The following VPS9D1 variants were observed in gnomAD, a reference collection of about 807,000 sequenced individuals.
VPS9D1 encodes VPS9 domain containing 1.
A neutral mutation model predicts 75.8 loss-of-function variants in VPS9D1; 78 were observed. That is an observed-to-expected ratio of 1.03 (90% CI 0.86 to 1.24). The LOEUF (loss-of-function observed/expected upper bound fraction) is 1.24, where lower values mean the gene tolerates loss of function less well. VPS9D1 is among the 50% of genes most tolerant of loss of function. The pLI, the probability that VPS9D1 is intolerant of heterozygous loss-of-function variation, is 0.00. For synonymous variants in VPS9D1, 481 were observed against 385.6 expected (o/e 1.25, Z -2.90); for missense variants, 1,057 against 847.7 (o/e 1.25, Z -3.07).
chr16:89,718,237 C>G (rs1037473516), intron 2 of VPS9D1: 5 of 375,666 alleles, frequency 1.3e-5, no homozygotes, highest in Admixed American at 1.3e-4. Flanking sequence ...ACCTTCAGGA[C>G]GCACCCCGAG....
intron 6 of VPS9D1, 169 bp downstream of exon 6, chr16:89,712,291 C>A (rs1473912919): frequency 7.6e-7 from 1 of 1,317,872 alleles, no homozygotes; most frequent in Non-Finnish European, 1.0e-6. Context: ...ACATGGGGGA[C>A]GGCGGCCGGG....
chr16:89,709,561 T>C, intron 11 of VPS9D1, 126 bp from the exon 12 acceptor site: 2 of 1,290,940 alleles, frequency 1.5e-6, no homozygotes, highest in Non-Finnish European at 2.1e-6. Context: ...AGCCCCAGCG[T>C]TGCCAAGACC....
intron 4 of VPS9D1, among the ~76,000 whole-genome samples, chr16:89,714,833 C>T (rs2061024096): frequency 6.6e-6 from 1 of 152,118 alleles, no homozygotes; most frequent in African/African-American, 2.4e-5. Flanking sequence ...CTCCTGGGTT[C>T]AAGCGATTCT....
chr16:89,712,479 G>C lies in VPS9D1; in HGVS notation c.587C>G (p.Ala196Gly), dbSNP rs2060955986. ...QRQMMENLVI[A>G]KAREETLQRK... is the part of the protein sequence containing the mutation. The stretch of plus-strand genomic sequence containing the variant: ...GGCTGCTGTCTCCTCCCGGGCTTTG[G>C]CAATCACTAGGTTCTCCATCATCTG... Residue 196 changes from alanine (A) to glycine (G), a missense_variant, in exon 6 of 15, where the codon GCC (alanine) becomes GGC (glycine). Ala to Gly is a moderately conservative substitution (Grantham distance 60, BLOSUM62 0). Transcript: ENST00000389386. 1 of 1,613,098 alleles carries C rather than the reference G, an allele frequency of 6.2e-7. No individual in the cohort carries two copies. The highest frequency in any genetic ancestry group is 8.5e-7 in the Non-Finnish European group (1 of 1,179,990).
At chr16:89,718,092 C>T (rs930673409) in intron 2 of VPS9D1, 10 of 455,272 alleles carry the variant, frequency 2.2e-5, no homozygotes, top group Admixed American at 2.1e-4. Context: ...TCCAGTGGCT[C>T]CCCCTGACCT....
At chr16:89,717,662 C>CCAG in intron 2 of VPS9D1, 1 of 456,596 alleles carries the variant, frequency 2.2e-6, no homozygotes, top group Non-Finnish European at 4.4e-6. Flanking sequence ...CTTACCCGTC[C>CCAG]CCACCTTGCC....
chr16:89,720,364 CCTT>C lies in VPS9D1; in HGVS notation c.99+396_99+398del, dbSNP rs139989455. On this transcript the variant is annotated intron_variant, in intron 1 of 14. Transcript: ENST00000389386. The stretch of plus-strand genomic sequence containing the variant: ...GCATCACAAATGAGCAGGTATGTGG[CCTT>C]CTCTGCATGCCGTCCCCTGTGGCAA... The C allele has an allele frequency of 5.9e-3, 5,689 of 962,820 alleles. 25 individuals carry two copies. Among genetic ancestry groups the C allele is most frequent in the Admixed American group, 0.011 (174 of 16,340 alleles). 59.6% of individuals were successfully genotyped at this position (962,820 alleles called of 1,614,324 possible).
chr16:89,707,871 A>G lies in VPS9D1; in HGVS notation c.1886T>C (p.Leu629Pro), dbSNP rs2151616840. The G allele has an allele frequency of 1.2e-6, 2 of 1,613,048 alleles. No homozygotes were observed. Among genetic ancestry groups the G allele is most frequent in the East Asian group, 2.2e-5 (1 of 44,880 alleles). The change falls in exon 15 of 15, where the codon CTG becomes CCG. Residue 629 changes from leucine to proline, a missense_variant. By Grantham distance (98) the Leu-to-Pro change is moderately conservative. Transcript: ENST00000389386. The part of the protein sequence containing the change: ...SYVELLPRGG[L>P]AK The stretch of plus-strand genomic sequence containing the variant: ...TGGGCTCTAGCTGTACTACTTGGCC[A>G]GGCCTCCCCGGGGCAGCAGCTCCAC...
Position 89,711,901 on chromosome 16 carries a change from A to C in VPS9D1, c.728T>G (p.Leu243Arg). 1 of 1,551,274 alleles carries C rather than the reference A, an allele frequency of 6.4e-7. No individual in the cohort carries two copies. The highest frequency in any genetic ancestry group is 8.7e-7 in the Non-Finnish European group (1 of 1,147,022). ...ACGCACATGGTCCTGTTCGTACTCC[A>C]GGATGGCGGCGTAAAGGGCCCGCTG... ...REQRALYAAI[L>R]EYEQDHDWPK... The change falls in exon 8 of 15, where the codon CTG becomes CGG. Residue 243 changes from leucine (L) to arginine (R), a missense_variant. By Grantham distance (102) the Leu-to-Arg change is moderately radical. Transcript: ENST00000389386.
chr16:89,710,655 G>A lies in VPS9D1; in HGVS notation c.1189C>T (p.Arg397Cys), dbSNP rs748048365. 2 of 1,611,648 alleles carry A rather than the reference G, an allele frequency of 1.2e-6. No individual in the cohort carries two copies. The highest frequency in any genetic ancestry group is 2.2e-5 in the East Asian group (1 of 44,852). Residue 397 changes from arginine to cysteine, a missense_variant, in exon 10 of 15, where the codon CGT (arginine) becomes TGT (cysteine). Coordinates refer to ENST00000389386, the MANE Select transcript of VPS9D1 (RefSeq NM_004913.3). ...LGTSERQGRG[R>C]GVQPEPQLQQ... ...AGCTGGGGCTCCGGCTGTACCCCAC[G>A]GCCCCGGCCCTGCCGCTCAGACGTC...
At chr16:89,713,075 G>A (rs186725649) in intron 4 of VPS9D1, 42 of 160,790 alleles carry the variant, frequency 2.6e-4, no homozygotes, top group African/African-American at 6.2e-4. Context: ...CCAGCTACTC[G>A]GGAGGCTGAG....
At position 89,720,777 on chromosome 16, in the gene VPS9D1, C is replaced by A; in HGVS notation, c.85G>T (p.Gly29Cys). 1 of 1,455,146 alleles carries A rather than the reference C, an allele frequency of 6.9e-7. No homozygotes were observed. The highest frequency in any genetic ancestry group is 1.3e-5 in the South Asian group (1 of 74,664). 90.1% of individuals were successfully genotyped at this position (1,455,146 alleles called of 1,614,324 possible). A position where few individuals can be genotyped will look rare whatever the true frequency, so the allele number is the denominator to read the frequency against. ...CCCCGCCTCACCCGGGGCCGGTTGC[C>A]GGTGTCCAGCTCGATGGCCCCGTTG... The part of the protein sequence containing the change: ...LANGAIELDT[G>C]NRPREAYTEY... Residue 29 changes from glycine (G) to cysteine (C), a missense_variant, in exon 1 of 15, where the codon GGC becomes TGC. By Grantham distance (159) the Gly-to-Cys change is radical. Transcript: ENST00000389386.
chr16:89,716,353 G>T (rs2061067751), intron 4 of VPS9D1, 109 bp downstream of exon 4: 2 of 1,496,920 alleles, frequency 1.3e-6, no homozygotes, highest in Non-Finnish European at 1.8e-6. Flanking sequence ...GTGACAGAGT[G>T]AGACTCTGTC....
Position 89,707,674 on chromosome 16 carries a change from C to T in VPS9D1, c.*187G>A, listed in dbSNP as rs944813719. On this transcript the variant is annotated 3_prime_UTR_variant, in exon 15 of 15. Transcript: ENST00000389386. ...GGGCAGAGGTGCCAACCCCAAGCTC[C>T]AGGGTCAGATGTGAGGTGAGGAAGG... 6 of 585,960 alleles carry T rather than the reference C, an allele frequency of 1.0e-5. No individual in the cohort carries two copies. Among genetic ancestry groups the T allele is most frequent in the Non-Finnish European group, 1.8e-5 (6 of 330,268 alleles). The allele number at this position is 585,960 out of a possible 1,614,324, so 36.3% of individuals were successfully genotyped here.
intron 2 of VPS9D1, chr16:89,717,429 T>C (rs778157827): frequency 2.5e-6 from 1 of 397,304 alleles, no homozygotes; most frequent in East Asian, 7.3e-5. Flanking sequence ...GTCCCCAAAG[T>C]CCTGCCTTCC....
Position 89,720,770 on chromosome 16 carries a change from CG to C in VPS9D1, c.91del (p.Arg31GlyfsTer10). On this transcript the variant is annotated frameshift_variant, in exon 1 of 15. Coordinates refer to ENST00000389386, the MANE Select transcript of VPS9D1 (RefSeq NM_004913.3). LOFTEE classifies it high-confidence loss of function. ...NGAIELDTGN[R>X]PREAYTEYLR... ...GCCCCCGCCCCGCCTCACCCGGGGC[CG>C]GTTGCCGGTGTCCAGCTCGATGGCC... The C allele has an allele frequency of 6.9e-7, 1 of 1,451,746 alleles. No individual in the cohort carries two copies. The highest frequency in any genetic ancestry group is 9.1e-7 in the Non-Finnish European group (1 of 1,098,612). The allele number at this position is 1,451,746 out of a possible 1,614,324, so 89.9% of individuals were successfully genotyped here.
intron 10 of VPS9D1, 139 bp downstream of exon 10, chr16:89,710,447 G>A: frequency 4.3e-6 from 4 of 921,884 alleles, no homozygotes; most frequent in South Asian, 3.7e-5. Flanking sequence ...AATGAGAAGG[G>A]CTGAGGCGTG....
In VPS9D1 at chr16:89,707,691, T is replaced by G. The variant is rs1249460893; in HGVS notation, c.*170A>C. 5.0e-6 allele frequency: 3 copies of G among 603,474 alleles called. No homozygotes were observed. The highest frequency in any genetic ancestry group is 8.8e-6 in the Non-Finnish European group (3 of 341,766). The allele number at this position is 603,474 out of a possible 1,614,324, so 37.4% of individuals were successfully genotyped here. A position where few individuals can be genotyped will look rare whatever the true frequency, so the allele number is the denominator to read the frequency against. ...CCAAGCTCCAGGGTCAGATGTGAGG[T>G]GAGGAAGGTGAAGAGCTGGAGAGCA... On this transcript the variant is annotated 3_prime_UTR_variant, in exon 15 of 15. Transcript: ENST00000389386.
At chr16:89,712,399 C>T in intron 6 of VPS9D1, 61 bp downstream of exon 6, 2 of 1,605,356 alleles carry the variant, frequency 1.2e-6, no homozygotes, top group East Asian at 4.5e-5. Flanking sequence ...CTTCTCTGCC[C>T]TTGGCTCAAG....
Sources: allele counts gnomAD v4.1 joint callset (sites outside exome capture counted in the v4.1 genomes callset), GRCh38; gene constraint gnomAD v4.1.1; transcripts MANE v1.5; gene names NCBI Gene and HGNC (gene_info 2026-07-23, HGNC 2026-07-21).